Variants in OSTM1 observed in about 807,000 individuals in gnomAD.
OSTM1 encodes the protein osteopetrosis-associated transmembrane protein 1.
OSTM1 carries 26 observed loss-of-function variants against 35.4 expected under a neutral mutation model. That is an observed-to-expected ratio of 0.73 (90% CI 0.54 to 1.02). The LOEUF (loss-of-function observed/expected upper bound fraction) is 1.02. Ranked by LOEUF, OSTM1 falls within the 50% of genes least tolerant of loss-of-function variation. OSTM1 has a pLI of 0.00. For missense variants in OSTM1, 366 were observed against 409.6 expected, an observed-to-expected ratio of 0.89 and a Z score of 0.92; for synonymous variants, 181 against 165.0, an observed-to-expected ratio of 1.10 and a Z score of -0.75.
At chr6:108,068,778 G>A (rs1203102641) in intron 1 of OSTM1, among the ~76,000 whole-genome samples, 1 of 151,566 alleles carries the variant, frequency 6.6e-6, no homozygotes, top group African/African-American at 2.4e-5. Flanking sequence ...GTACAAATCT[G>A]ATTATGTCAT....
Position 108,049,366 on chromosome 6 carries a change from C to A in OSTM1, c.836G>T (p.Cys279Phe), listed in dbSNP as rs1245729935. 1 of 1,613,418 alleles carries A rather than the reference C, an allele frequency of 6.2e-7. No homozygotes were observed. The highest frequency in any genetic ancestry group is 2.2e-5 in the East Asian group (1 of 44,880). ...WSRTFNCSVP[C>F]SDTVPVIAVS... is the part of the protein sequence containing the mutation. ...AGCAATTACAGGCACTGTGTCACTGCAAGGGACTGAACAGTTGAAAGTTCG... is the reference window on the plus strand; with the variant it reads ...AGCAATTACAGGCACTGTGTCACTGAAAGGGACTGAACAGTTGAAAGTTCG... Residue 279 changes from cysteine (C) to phenylalanine (F), a missense_variant, in exon 5 of 6, where the codon TGC (cysteine) becomes TTC (phenylalanine). Physicochemically the swap from Cys to Phe is radical, Grantham distance 205 (BLOSUM62 -2). Transcript: ENST00000193322.
At chr6:108,066,849 T>A (rs901278756) in intron 1 of OSTM1, among the ~76,000 whole-genome samples, 2 of 152,152 alleles carry the variant, frequency 1.3e-5, no homozygotes, top group African/African-American at 4.8e-5. Context: ...TGGACAGATG[T>A]CCCTTTAAAA....
Position 108,042,846 on chromosome 6 carries a change from A to G in OSTM1, c.*1939T>C, listed in dbSNP as rs960650396. ...CAATTTCCTTATTTCCTTTATTTTA[A>G]TGTGTCAAAAAAACACTTAAAGATA... On this transcript the variant is annotated 3_prime_UTR_variant, in exon 6 of 6. Coordinates refer to ENST00000193322, the MANE Select transcript of OSTM1 (RefSeq NM_014028.4). The G allele has an allele frequency of 3.3e-5, 5 of 152,250 alleles. No individual in the cohort carries two copies. Among genetic ancestry groups the G allele is most frequent in the African/African-American group, 1.2e-4 (5 of 41,462 alleles). The allele number at this position is 152,250 out of a possible 1,614,324, so 9.4% of individuals were successfully genotyped here.
In OSTM1 at chr6:108,055,155, A is replaced by G. The variant is rs570409128; in HGVS notation, c.518-568T>C. On this transcript the variant is annotated intron_variant, in intron 2 of 5. Transcript: ENST00000193322. ...GGCTTCAAGTAAAGTCTAGAAACAA[A>G]ATTGTTTTACATTTTTAAAAATCCT... Among the ~76,000 whole-genome samples the G allele has an allele frequency of 2.0e-5, 3 of 152,324 alleles. No individual in the cohort carries two copies. The East Asian group carries it at 5.8e-4, about 29-fold the overall frequency.
intron 3 of OSTM1, among the ~76,000 whole-genome samples, chr6:108,052,205 T>G (rs563661567): frequency 6.6e-6 from 1 of 151,976 alleles, no homozygotes; most frequent in Admixed American, 6.6e-5. Flanking sequence ...GAGGCCGAGG[T>G]GGGCGGATCA....
chr6:108,053,447 C>A (rs900904473), intron 3 of OSTM1, among the ~76,000 whole-genome samples: 1 of 152,172 alleles, frequency 6.6e-6, no homozygotes, highest in African/African-American at 2.4e-5. Flanking sequence ...AATACTAAAC[C>A]CTTTCTGATA....
intron 2 of OSTM1, 151 bp downstream of exon 2, chr6:108,064,034 A>G: frequency 1.6e-6 from 1 of 622,684 alleles, no homozygotes; most frequent in South Asian, 1.9e-5. Context: ...CTCAGTTGCC[A>G]TTAATAAACC....
intron 2 of OSTM1, among the ~76,000 whole-genome samples, chr6:108,062,550 T>TTTGTTA (rs1772300651): frequency 6.6e-6 from 1 of 150,926 alleles, no homozygotes; most frequent in Admixed American, 6.6e-5. Flanking sequence ...TTTTTTTTTT[T>TTTGTTA]TTGTTATTGT....
intron 1 of OSTM1, among the ~76,000 whole-genome samples, chr6:108,065,687 C>T (rs141360796): frequency 1.4e-4 from 21 of 152,264 alleles, no homozygotes; most frequent in African/African-American, 4.3e-4. Flanking sequence ...AAATAGCATA[C>T]ATTAATCACT....
rs1159836039 is a variant in OSTM1, at chr6:108,042,242, G to A, written c.*2543C>T. 7.5e-6 allele frequency: 1 copy of A among 132,760 alleles called. No homozygotes were observed. Among genetic ancestry groups the A allele is most frequent in the African/African-American group, 2.9e-5 (1 of 34,838 alleles). The allele number at this position is 132,760 out of a possible 1,614,324, so 8.2% of individuals were successfully genotyped here. A position where few individuals can be genotyped will look rare whatever the true frequency, so the allele number is the denominator to read the frequency against. The stretch of plus-strand genomic sequence containing the variant: ...AACTCAGGAGTTCAAGACCAGCTTG[G>A]GCAACATAGTGAGACACTGTCTCTA... On this transcript the variant is annotated 3_prime_UTR_variant, in exon 6 of 6. Transcript: ENST00000193322.
At chr6:108,050,167 C>G (rs1772052254) in intron 4 of OSTM1, among the ~76,000 whole-genome samples, 1 of 152,030 alleles carries the variant, frequency 6.6e-6, no homozygotes, top group Non-Finnish European at 1.5e-5. Context: ...AAATACTGTC[C>G]TAAATACTGA....
chr6:108,056,937 C>G (rs890305571), intron 2 of OSTM1, among the ~76,000 whole-genome samples: 1 of 152,248 alleles, frequency 6.6e-6, no homozygotes, highest in Non-Finnish European at 1.5e-5. Context: ...AGTTAATAAG[C>G]CATTGATATA....
chr6:108,053,000 T>C (rs917433060), intron 3 of OSTM1, among the ~76,000 whole-genome samples: 6 of 152,184 alleles, frequency 3.9e-5, no homozygotes, highest in African/African-American at 1.4e-4. Context: ...ACCTCTCCCT[T>C]TTTGCTAATA....
At chr6:108,067,166 C>G (rs941373850) in intron 1 of OSTM1, among the ~76,000 whole-genome samples, 2 of 138,804 alleles carry the variant, frequency 1.4e-5, no homozygotes, top group African/African-American at 5.1e-5. Flanking sequence ...CTCCACTCTC[C>G]CAGAAACTCT....
intron 5 of OSTM1, 137 bp downstream of exon 5, chr6:108,049,116 A>G (rs1772031485): frequency 1.5e-6 from 1 of 657,810 alleles, no homozygotes. Flanking sequence ...AGTAAGCATG[A>G]TTGTAAAACT....
intron 5 of OSTM1, 132 bp from the exon 6 acceptor site, chr6:108,044,972 G>T (rs1771941905): frequency 2.2e-6 from 1 of 445,736 alleles, no homozygotes; most frequent in Non-Finnish European, 3.8e-6. Flanking sequence ...AGCCTTATAA[G>T]AATTAAAACC....
intron 5 of OSTM1, 79 bp from the exon 6 acceptor site, chr6:108,044,919 TA>T: frequency 1.4e-6 from 1 of 725,700 alleles, no homozygotes. Context: ...ATGTAATCTA[TA>T]GTATTTATCT....
At chr6:108,051,717 C>T (rs1772076971) in intron 3 of OSTM1, among the ~76,000 whole-genome samples, 2 of 152,324 alleles carry the variant, frequency 1.3e-5, no homozygotes, top group South Asian at 4.1e-4. Context: ...TGCATCCCCA[C>T]TCAACTCTCT....
At chr6:108,070,971 G>A (rs1168055880) in intron 1 of OSTM1, among the ~76,000 whole-genome samples, 4 of 150,042 alleles carry the variant, frequency 2.7e-5, no homozygotes, top group Non-Finnish European at 4.4e-5. Context: ...TGCAGATCAC[G>A]AGGTCAGGAG....
Sources: allele counts gnomAD v4.1 joint callset (sites outside exome capture counted in the v4.1 genomes callset), GRCh38; gene constraint gnomAD v4.1.1; transcripts MANE v1.5; gene names NCBI Gene and HGNC (gene_info 2026-07-23, HGNC 2026-07-21).